LRFN5: variants seen among roughly 807,000 people sequenced by gnomAD.
The protein encoded by LRFN5 is leucine-rich repeat and fibronectin type-III domain-containing protein 5.
Under a neutral mutation model 45.6 loss-of-function variants are expected in LRFN5, and 24 were observed. That is an observed-to-expected ratio of 0.53 (90% CI 0.38 to 0.74). The LOEUF (loss-of-function observed/expected upper bound fraction) is 0.74. Ranked by LOEUF, LRFN5 falls within the 30% of genes least tolerant of loss-of-function variation. The pLI, the probability that LRFN5 is intolerant of heterozygous loss-of-function variation, is 0.00. For synonymous variants in LRFN5, 340 were observed against 313.8 expected (o/e 1.08, Z -0.88); for missense variants, 776 against 861.5 (o/e 0.90, Z 1.24).
In LRFN5 at chr14:41,851,070, T is replaced by C. The variant is rs190640225; in HGVS notation, c.-20-35536T>C. Among the ~76,000 whole-genome samples, 26 of 151,778 alleles carry C rather than the reference T, an allele frequency of 1.7e-4. No homozygotes were observed. In the East Asian group the frequency reaches 4.8e-3, roughly 28 times the overall value. On this transcript the variant is annotated intron_variant, in intron 2 of 5. Coordinates refer to ENST00000298119, the MANE Select transcript of LRFN5 (RefSeq NM_152447.5). The stretch of plus-strand genomic sequence containing the variant: ...ATTTGCCTTCCTTGCTTCAATACAA[T>C]TAATTTAATTTCAAATAGATAACAG...
At chr14:41,795,289 G>A (rs945466768) in intron 2 of LRFN5, among the ~76,000 whole-genome samples, 63 of 152,206 alleles carry the variant, frequency 4.1e-4, no homozygotes, top group Non-Finnish European at 8.1e-4. Flanking sequence ...AGGTGCTGGA[G>A]AGGATGTGGA....
intron 2 of LRFN5, among the ~76,000 whole-genome samples, chr14:41,830,589 A>T (rs115464325): frequency 0.013 from 2,033 of 152,280 alleles, 41 homozygotes; most frequent in African/African-American, 0.045. Context: ...ATAAAGAATG[A>T]ATTATAGGAG....
chr14:41,876,854 G>T (rs1489643311), intron 2 of LRFN5, among the ~76,000 whole-genome samples: 1 of 152,016 alleles, frequency 6.6e-6, no homozygotes, highest in East Asian at 1.9e-4. Context: ...TATCAATTGA[G>T]ACACTTGTTG....
chr14:41,691,393 T>G (rs538401249), intron 1 of LRFN5, among the ~76,000 whole-genome samples: 3 of 152,212 alleles, frequency 2.0e-5, no homozygotes, highest in African/African-American at 7.2e-5. Flanking sequence ...TTGGAACTTT[T>G]AGTTGTCTGT....
chr14:41,667,505 G>A (rs1219385450), intron 1 of LRFN5, among the ~76,000 whole-genome samples: 1 of 152,156 alleles, frequency 6.6e-6, no homozygotes, highest in Non-Finnish European at 1.5e-5. Context: ...CTAACATGCT[G>A]GACAGGGAAA....
intron 1 of LRFN5, among the ~76,000 whole-genome samples, chr14:41,680,105 A>C (rs1445597244): frequency 6.6e-6 from 1 of 152,110 alleles, no homozygotes; most frequent in African/African-American, 2.4e-5. Flanking sequence ...GTAGAATAGA[A>C]CAATAGGTAG....
chr14:41,798,374 G>C (rs1352310338), intron 2 of LRFN5, among the ~76,000 whole-genome samples: 4 of 151,862 alleles, frequency 2.6e-5, no homozygotes, highest in African/African-American at 9.7e-5. Context: ...CCTGTCTTCT[G>C]TTTTTCCTCT....
intron 2 of LRFN5, among the ~76,000 whole-genome samples, chr14:41,873,609 C>T (rs1248201354): frequency 1.3e-5 from 2 of 151,870 alleles, no homozygotes; most frequent in African/African-American, 4.8e-5. Context: ...GTGGGTATGC[C>T]TTTCTTCTCC....
chr14:41,701,003 T>G (rs1355162106), intron 1 of LRFN5: 4 of 152,158 alleles, frequency 2.6e-5, no homozygotes, highest in Non-Finnish European at 5.9e-5. Flanking sequence ...AAATTAATGT[T>G]TGGCTTTAAT....
At chr14:41,641,595 G>T (rs1398587135) in intron 1 of LRFN5, among the ~76,000 whole-genome samples, 1 of 151,944 alleles carries the variant, frequency 6.6e-6, no homozygotes, top group African/African-American at 2.4e-5. Context: ...TTTGTAGTTT[G>T]CTTGGGAAGA....
At chr14:41,661,954 A>G (rs1880676170) in intron 1 of LRFN5, among the ~76,000 whole-genome samples, 1 of 152,088 alleles carries the variant, frequency 6.6e-6, no homozygotes, top group African/African-American at 2.4e-5. Flanking sequence ...CATTATTTGT[A>G]CTACTTGTTT....
At chr14:41,867,761 TCTCACCTTTTTTCACTTCCTTG>T (rs1889888730) in intron 2 of LRFN5, among the ~76,000 whole-genome samples, 1 of 152,062 alleles carries the variant, frequency 6.6e-6, no homozygotes, top group Non-Finnish European at 1.5e-5. Context: ...TTTTGTCACT[TCTCACCTTTTTTCACTTCCTTG>T]CTCACCTTTT....
At chr14:41,897,371 G>C (rs1890975859) in intron 4 of LRFN5, among the ~76,000 whole-genome samples, 1 of 151,696 alleles carries the variant, frequency 6.6e-6, no homozygotes, top group Admixed American at 6.6e-5. Flanking sequence ...TAGAATGATT[G>C]TCTTCTGATT....
At chr14:41,894,064 C>G in intron 4 of LRFN5, 1 of 984,012 alleles carries the variant, frequency 1.0e-6, no homozygotes, top group Non-Finnish European at 1.2e-6. Flanking sequence ...AAGCATACTA[C>G]TTTTTCTCTT....
At chr14:41,677,102 A>C (rs1001278285) in intron 1 of LRFN5, among the ~76,000 whole-genome samples, 2 of 152,180 alleles carry the variant, frequency 1.3e-5, no homozygotes, top group Non-Finnish European at 2.9e-5. Flanking sequence ...GTAGCAGAGC[A>C]AAAAAAGTAA....
Position 41,835,333 on chromosome 14 carries a change from A to G in LRFN5, c.-20-51273A>G, listed in dbSNP as rs868157595. Among the ~76,000 whole-genome samples the G allele has an allele frequency of 3.9e-5, 6 of 152,312 alleles. No individual in the cohort carries two copies. In the South Asian group the frequency reaches 1.0e-3, roughly 26 times the overall value. ...GCTTCTTTGGCTATAGGCTAAAAAC[A>G]TGGAATGCTCTCTCTTGCCTAAGGA... is the stretch of plus-strand genomic sequence containing the variant. On this transcript the variant is annotated intron_variant, in intron 2 of 5. Coordinates refer to ENST00000298119, the MANE Select transcript of LRFN5 (RefSeq NM_152447.5).
intron 1 of LRFN5, among the ~76,000 whole-genome samples, chr14:41,681,226 C>G (rs1378526433): frequency 6.6e-6 from 1 of 151,946 alleles, no homozygotes; most frequent in Non-Finnish European, 1.5e-5. Flanking sequence ...GGAGAAATTC[C>G]CAAACCTAGA....
At chr14:41,769,092 A>C (rs184413656) in intron 2 of LRFN5, among the ~76,000 whole-genome samples, 1,920 of 152,112 alleles carry the variant, frequency 0.013, 10 homozygotes, top group Middle Eastern at 0.034. Context: ...AAAAAAAAAA[A>C]CAGAAAGTAA....
In LRFN5 at chr14:41,886,343, G is replaced by A. The variant is rs547110355; in HGVS notation, c.-20-263G>A. ...ACCCTGGACATACTTAAAAAATGGCGCTTAATTTGCAGAGTTATAATAAAC... is the reference window on the plus strand; with the variant it reads ...ACCCTGGACATACTTAAAAAATGGCACTTAATTTGCAGAGTTATAATAAAC... On this transcript the variant is annotated intron_variant, in intron 2 of 5. Coordinates refer to ENST00000298119, the MANE Select transcript of LRFN5 (RefSeq NM_152447.5). 4.6e-5 allele frequency among the ~76,000 whole-genome samples: 7 copies of A among 152,108 alleles called. No homozygotes were observed. The East Asian group carries it at 5.8e-4, about 13-fold the overall frequency.
Sources: allele counts gnomAD v4.1 joint callset (sites outside exome capture counted in the v4.1 genomes callset), GRCh38; gene constraint gnomAD v4.1.1; transcripts MANE v1.5; gene names NCBI Gene and HGNC (gene_info 2026-07-23, HGNC 2026-07-21).